The following MTFR1 variants were observed in gnomAD, a reference collection of about 807,000 sequenced individuals.
MTFR1 encodes the protein mitochondrial fission regulator 1.
A neutral mutation model predicts 38.8 loss-of-function variants in MTFR1; 28 were observed. The observed-to-expected ratio is 0.72, with a 90% CI of 0.53 to 0.99. The LOEUF (loss-of-function observed/expected upper bound fraction) is 0.99. MTFR1 is among the 50% of genes least tolerant of loss of function. The probability of loss-of-function intolerance (pLI) is 0.00; values close to 1 mark genes in which losing one functional copy is unlikely to be tolerated. For synonymous variants in MTFR1, 145 were observed against 137.0 expected, an observed-to-expected ratio of 1.06 and a Z score of -0.41; for missense variants, 358 against 395.5, an observed-to-expected ratio of 0.91 and a Z score of 0.81.
At chr8:65,763,012 TGTG>T (rs1808588447) in intron 3 of MTFR1, among the ~76,000 whole-genome samples, 1 of 150,554 alleles carries the variant, frequency 6.6e-6, no homozygotes, top group Non-Finnish European at 1.5e-5. Context: ...TGTGTGTGTG[TGTG>T]TGTGTGTGTG....
chr8:65,740,389 A>T (rs1807361462), intron 3 of MTFR1, among the ~76,000 whole-genome samples: 2 of 151,988 alleles, frequency 1.3e-5, no homozygotes, highest in Non-Finnish European at 2.9e-5. Flanking sequence ...AAATAATACA[A>T]GCCCTCAAGT....
At chr8:65,669,798 T>C (rs1223196103) in intron 1 of MTFR1, 75 bp from the exon 2 acceptor site, 2 of 651,938 alleles carry the variant, frequency 3.1e-6, no homozygotes, top group Non-Finnish European at 2.6e-6. Context: ...TTAGGCTTGC[T>C]CTGTGAGACA....
intron 3 of MTFR1, among the ~76,000 whole-genome samples, chr8:65,688,606 G>A (rs1405606703): frequency 1.3e-5 from 2 of 149,992 alleles, no homozygotes; most frequent in African/African-American, 2.4e-5. Context: ...CCGCCACCAC[G>A]CCCAGCTAAT....
chr8:65,706,063 C>T (rs193118433), intron 5 of MTFR1, among the ~76,000 whole-genome samples: 8 of 152,232 alleles, frequency 5.3e-5, no homozygotes, highest in Non-Finnish European at 8.8e-5. Context: ...TGGAGTTTAA[C>T]GTAATCCAGC....
intron 3 of MTFR1, among the ~76,000 whole-genome samples, chr8:65,690,852 C>T (rs968665579): frequency 2.0e-5 from 3 of 152,096 alleles, no homozygotes; most frequent in African/African-American, 7.2e-5. Flanking sequence ...CATTAAATAC[C>T]ATCTCTGCTA....
chr8:65,762,127 C>T (rs1183949418), intron 3 of MTFR1, among the ~76,000 whole-genome samples: 1 of 152,096 alleles, frequency 6.6e-6, no homozygotes, highest in Non-Finnish European at 1.5e-5. Flanking sequence ...TTAATTCAGT[C>T]CTATAAGGTT....
intron 1 of MTFR1, among the ~76,000 whole-genome samples, chr8:65,667,538 C>T (rs1804417621): frequency 6.6e-6 from 1 of 152,012 alleles, no homozygotes; most frequent in South Asian, 2.1e-4. Flanking sequence ...AGCGATTTTC[C>T]TGCCTCAGCC....
chr8:65,665,363 T>C (rs1271088359), intron 1 of MTFR1, among the ~76,000 whole-genome samples: 1 of 152,198 alleles, frequency 6.6e-6, no homozygotes, highest in Non-Finnish European at 1.5e-5. Context: ...TCTCAGAGGA[T>C]TCATTTATAA....
intron 1 of MTFR1, among the ~76,000 whole-genome samples, chr8:65,663,156 A>C (rs1310542620): frequency 6.6e-6 from 1 of 152,140 alleles, no homozygotes. Context: ...AGAGGTAGAC[A>C]TGGGAGACTT....
intron 2 of MTFR1, chr8:65,717,893 A>C (rs1446146665): frequency 6.6e-6 from 1 of 152,226 alleles, no homozygotes; most frequent in East Asian, 1.9e-4. Flanking sequence ...TTTCTCTTAA[A>C]ACTAGATTAC....
intron 2 of MTFR1, among the ~76,000 whole-genome samples, chr8:65,716,405 G>A (rs1395790894): frequency 1.3e-5 from 2 of 152,138 alleles, no homozygotes; most frequent in African/African-American, 2.4e-5. Flanking sequence ...AGGTAATGAC[G>A]TTATTTAATG....
chr8:65,733,355 T>C (rs1251449402), intron 3 of MTFR1, among the ~76,000 whole-genome samples: 1 of 152,178 alleles, frequency 6.6e-6, no homozygotes. Context: ...GAGAACTTAT[T>C]ACCATCTTTC....
At chr8:65,676,608 C>T (rs1197379527) in intron 2 of MTFR1, among the ~76,000 whole-genome samples, 1 of 152,182 alleles carries the variant, frequency 6.6e-6, no homozygotes. Flanking sequence ...AAGTGATCCA[C>T]CCTCTTCAGC....
intron 1 of MTFR1, among the ~76,000 whole-genome samples, chr8:65,657,816 T>G (rs1809310050): frequency 1.3e-5 from 2 of 152,214 alleles, no homozygotes; most frequent in African/African-American, 4.8e-5. Context: ...ATTGTACATA[T>G]TTATGGATAC....
At chr8:65,705,778 C>CTAA (rs1301093234) in intron 5 of MTFR1, among the ~76,000 whole-genome samples, 1 of 152,182 alleles carries the variant, frequency 6.6e-6, no homozygotes, top group African/African-American at 2.4e-5. Flanking sequence ...ATGCCTTTAA[C>CTAA]ACAAAGCAGC....
chr8:65,754,055 T>C (rs185522419), intron 3 of MTFR1, among the ~76,000 whole-genome samples: 7 of 152,186 alleles, frequency 4.6e-5, no homozygotes, highest in Admixed American at 3.9e-4. Flanking sequence ...GGTCCCACAA[T>C]AGGGCATCTG....
chr8:65,743,839 C>CT (rs71981429), intron 3 of MTFR1, among the ~76,000 whole-genome samples: 15,603 of 145,262 alleles, frequency 0.11, 955 homozygotes, highest in Middle Eastern at 0.19. Context: ...AGCTGAATTG[C>CT]TTTTTTTTTT....
At chr8:65,716,024 A>T (rs1169952487) in intron 2 of MTFR1, among the ~76,000 whole-genome samples, 1 of 141,708 alleles carries the variant, frequency 7.1e-6, no homozygotes, top group Admixed American at 7.2e-5. Flanking sequence ...AAAAAAAAAA[A>T]ATTAGCTGGG....
intron 4 of MTFR1, among the ~76,000 whole-genome samples, chr8:65,699,388 CTCTTT>C (rs1168704455): frequency 1.3e-5 from 2 of 152,202 alleles, no homozygotes; most frequent in African/African-American, 2.4e-5. Context: ...AACAATAGTT[CTCTTT>C]TAAGTTCTTT....
Sources: gnomAD v4.1 joint callset for allele counts (sites outside exome capture counted in the v4.1 genomes callset) on GRCh38, gnomAD v4.1.1 for gene constraint, MANE v1.5 for transcripts, NCBI Gene and HGNC (gene_info 2026-07-23, HGNC 2026-07-21) for gene names.